The following HORMAD2 variants were observed in gnomAD, a reference collection of about 807,000 sequenced individuals.
HORMAD2 encodes the protein HORMA domain-containing protein 2.
A neutral mutation model predicts 38.8 loss-of-function variants in HORMAD2; 45 were observed. That is an observed-to-expected ratio of 1.16 (90% CI 0.91 to 1.49). The LOEUF (loss-of-function observed/expected upper bound fraction) is 1.49. HORMAD2 is among the 40% of genes most tolerant of loss of function. The pLI is 0.00. For missense variants in HORMAD2, 338 were observed against 367.0 expected (o/e 0.92, Z 0.65); for synonymous variants, 126 against 122.8 (o/e 1.03, Z -0.17).
intron 10 of HORMAD2, among the ~76,000 whole-genome samples, chr22:30,146,872 A>G (rs1350639622): frequency 6.6e-6 from 1 of 152,226 alleles, no homozygotes; most frequent in Non-Finnish European, 1.5e-5. Context: ...ATTAATACAT[A>G]GAAATTTATT....
chr22:30,139,414 G>A (rs1923921069), intron 10 of HORMAD2, among the ~76,000 whole-genome samples: 1 of 149,908 alleles, frequency 6.7e-6, no homozygotes, highest in Admixed American at 6.7e-5. Context: ...AACCCTGACT[G>A]ATACGCTTGC....
At chr22:30,158,718 C>G (rs1925263287) in intron 10 of HORMAD2, among the ~76,000 whole-genome samples, 1 of 149,714 alleles carries the variant, frequency 6.7e-6, no homozygotes, top group African/African-American at 2.5e-5. Flanking sequence ...GGGTCTTGCT[C>G]TGTCACCCAG....
At chr22:30,161,373 T>G (rs1381409343) in intron 10 of HORMAD2, among the ~76,000 whole-genome samples, 1 of 152,242 alleles carries the variant, frequency 6.6e-6, no homozygotes, top group African/African-American at 2.4e-5. Flanking sequence ...AAGCAGGGTA[T>G]TGCATTTCCA....
chr22:30,131,402 T>C (rs544810490), intron 10 of HORMAD2, among the ~76,000 whole-genome samples: 1 of 152,348 alleles, frequency 6.6e-6, no homozygotes, highest in South Asian at 2.1e-4. Context: ...GAAATACTTA[T>C]GTGTCTTTAT....
the HORMAD2 span, among the ~76,000 whole-genome samples, chr22:30,194,192 CA>C: frequency 1.3e-5 from 2 of 152,226 alleles, no homozygotes; most frequent in Non-Finnish European, 2.9e-5. Flanking sequence ...CGCCACCAAC[CA>C]GTCCACATTT....
downstream of HORMAD2, among the ~76,000 whole-genome samples, chr22:30,181,174 T>A (rs1330166823): frequency 6.6e-6 from 1 of 151,624 alleles, no homozygotes; most frequent in Non-Finnish European, 1.5e-5. Flanking sequence ...CTACTATGCT[T>A]GGCTAATTTT....
chr22:30,079,942 A>T (rs1037121265), upstream of HORMAD2, among the ~76,000 whole-genome samples: 1 of 151,234 alleles, frequency 6.6e-6, no homozygotes, highest in African/African-American at 2.4e-5. Flanking sequence ...AGCCTCCCAG[A>T]GTGCTGGGAT....
chr22:30,106,592 C>G (rs1017696619), intron 5 of HORMAD2, among the ~76,000 whole-genome samples: 1 of 152,072 alleles, frequency 6.6e-6, no homozygotes, highest in Non-Finnish European at 1.5e-5. Flanking sequence ...CTCACTCATT[C>G]CCCTTCATCC....
In HORMAD2 at chr22:30,101,639, G is replaced by C. The variant is rs1189576808; in HGVS notation, c.194-1798G>C. Among the ~76,000 whole-genome samples, 5 of 151,008 alleles carry C rather than the reference G, an allele frequency of 3.3e-5. No homozygotes were observed. In the East Asian group the frequency reaches 9.7e-4, roughly 29 times the overall value. On this transcript the variant is annotated intron_variant, in intron 3 of 10. Coordinates refer to ENST00000336726, the MANE Select transcript of HORMAD2 (RefSeq NM_152510.4). ...ATCTTGTTGACTTGTCACTAAAATA[G>C]GAACTGTCATTTGGAAAATAAACAT...
chr22:30,132,369 A>T (rs1923343889), intron 10 of HORMAD2, among the ~76,000 whole-genome samples: 2 of 152,040 alleles, frequency 1.3e-5, no homozygotes, highest in South Asian at 4.1e-4. Flanking sequence ...ATCACCTGAG[A>T]TCAGGAGTAC....
chr22:30,159,793 G>A (rs113254809), intron 10 of HORMAD2, among the ~76,000 whole-genome samples: 2 of 152,096 alleles, frequency 1.3e-5, no homozygotes, highest in African/African-American at 2.4e-5. Context: ...GTGAGCTGCA[G>A]GAGGGCTTTT....
At chr22:30,140,261 C>CA (rs1403953325) in intron 10 of HORMAD2, among the ~76,000 whole-genome samples, 1 of 148,916 alleles carries the variant, frequency 6.7e-6, no homozygotes, top group African/African-American at 2.5e-5. Context: ...GAGCCTCTGT[C>CA]AAAAAAATAA....
Position 30,177,017 on chromosome 22 carries a change from G to C in HORMAD2, c.*850G>C, listed in dbSNP as rs1358499420. 6.6e-6 allele frequency: 1 copy of C among 152,462 alleles called. No individual in the cohort carries two copies. The highest frequency in any genetic ancestry group is 1.5e-5 in the Non-Finnish European group (1 of 68,014). The allele number at this position is 152,462 out of a possible 1,614,324, so 9.4% of individuals were successfully genotyped here. A position where few individuals can be genotyped will look rare whatever the true frequency, so the allele number is the denominator to read the frequency against. ...TTAGTAATTTAATTTAAATGGATAG[G>C]ACCAATAAGTTAAATATTAAGTGTG... On this transcript the variant is annotated 3_prime_UTR_variant, in exon 11 of 11. Transcript: ENST00000336726.
chr22:30,207,035 C>CG, the HORMAD2 span: 2 of 469,618 alleles, frequency 4.3e-6, no homozygotes, highest in Non-Finnish European at 8.8e-6. Context: ...CCCCTCGTGT[C>CG]GGCCTTGCTC....
Position 30,176,418 on chromosome 22 carries a change from G to C in HORMAD2, c.*251G>C. ...ACTTCAAAGCTGGGTTAGAGATGAG[G>C]CACCTTTTATATTATATTTGTAAAA... On this transcript the variant is annotated 3_prime_UTR_variant, in exon 11 of 11. Coordinates refer to ENST00000336726, the MANE Select transcript of HORMAD2 (RefSeq NM_152510.4). The C allele has an allele frequency of 2.7e-6, 1 of 371,594 alleles. No homozygotes were observed. The highest frequency in any genetic ancestry group is 4.9e-6 in the Non-Finnish European group (1 of 205,444). The allele number at this position is 371,594 out of a possible 1,614,324, so 23.0% of individuals were successfully genotyped here. A position where few individuals can be genotyped will look rare whatever the true frequency, so the allele number is the denominator to read the frequency against.
chr22:30,137,001 T>C, intron 10 of HORMAD2: 1 of 475,248 alleles, frequency 2.1e-6, no homozygotes, highest in Non-Finnish European at 3.8e-6. Context: ...GTGTCAATTG[T>C]AAGAAGTCTT....
At chr22:30,135,210 G>A (rs1046027123) in intron 10 of HORMAD2, among the ~76,000 whole-genome samples, 1 of 152,044 alleles carries the variant, frequency 6.6e-6, no homozygotes, top group Non-Finnish European at 1.5e-5. Context: ...TCATGAAAGA[G>A]TAATGTAAGA....
rs2068526233 is a variant in HORMAD2 at position 30,083,858 on chromosome 22, TAG to T, written c.-38+3369_-38+3370del. On this transcript the variant is annotated intron_variant, in intron 1 of 10. Coordinates refer to ENST00000336726, the MANE Select transcript of HORMAD2 (RefSeq NM_152510.4). ...TTGCCTTCCTGAAGCAAGCTCATGC[TAG>T]AACACTAGAAAGAGACCCTCCCATG... Among the ~76,000 whole-genome samples, 3 of 152,304 alleles carry T rather than the reference TAG, an allele frequency of 2.0e-5. No homozygotes were observed. In the South Asian group the frequency reaches 6.2e-4, roughly 32 times the overall value.
intron 10 of HORMAD2, among the ~76,000 whole-genome samples, chr22:30,151,178 G>T (rs1201139361): frequency 6.6e-6 from 1 of 152,078 alleles, no homozygotes; most frequent in African/African-American, 2.4e-5. Flanking sequence ...CTGCTTCCTG[G>T]CTTCCAAAAT....
Sources: allele counts gnomAD v4.1 joint callset (sites outside exome capture counted in the v4.1 genomes callset), GRCh38; gene constraint gnomAD v4.1.1; transcripts MANE v1.5; gene names NCBI Gene and HGNC (gene_info 2026-07-23, HGNC 2026-07-21).